The following PDPN variants were observed in gnomAD, a reference collection of about 807,000 sequenced individuals.
PDPN encodes PA2.26 antigen.
PDPN carries 12 observed loss-of-function variants against 23.2 expected under a neutral mutation model. The observed-to-expected ratio is 0.52, with a 90% confidence interval of 0.33 to 0.84. The LOEUF (loss-of-function observed/expected upper bound fraction) is 0.84, where lower values mean the gene tolerates loss of function less well. Ranked by LOEUF, PDPN falls within the 40% of genes least tolerant of loss-of-function variation. The probability of loss-of-function intolerance (pLI) is 0.02; values close to 1 mark genes in which losing one functional copy is unlikely to be tolerated. For missense variants in PDPN, 199 were observed against 212.2 expected (o/e 0.94, Z 0.39); for synonymous variants, 77 against 76.7 (o/e 1.00, Z -0.02).
intron 1 of PDPN, among the ~76,000 whole-genome samples, chr1:13,587,385 T>C (rs1640207483): frequency 6.6e-6 from 1 of 152,214 alleles, no homozygotes; most frequent in Admixed American, 6.5e-5. Context: ...ACATGCACTT[T>C]CAAATTCCAT....
intron 1 of PDPN, among the ~76,000 whole-genome samples, chr1:13,585,986 G>C (rs931274084): frequency 1.3e-5 from 2 of 152,038 alleles, no homozygotes; most frequent in African/African-American, 4.8e-5. Context: ...TTATAATCTG[G>C]TCCCATGTGT....
At chr1:13,606,879 C>T (rs181902901) in intron 1 of PDPN, among the ~76,000 whole-genome samples, 3 of 152,246 alleles carry the variant, frequency 2.0e-5, no homozygotes, top group South Asian at 2.1e-4. Context: ...GAAAGATGTA[C>T]GTCCCCTGTC....
At chr1:13,601,212 A>G (rs75015593) in intron 1 of PDPN, among the ~76,000 whole-genome samples, 6,826 of 152,288 alleles carry the variant, frequency 0.045, 207 homozygotes, top group Middle Eastern at 0.095. Flanking sequence ...GAGGAGGAAG[A>G]GGGAGCTTAC....
chr1:13,601,854 T>C (rs1640648825), intron 1 of PDPN, among the ~76,000 whole-genome samples: 1 of 152,228 alleles, frequency 6.6e-6, no homozygotes, highest in Non-Finnish European at 1.5e-5. Context: ...AGGTGAATAT[T>C]TATGTGATCT....
chr1:13,583,905 C>T lies in PDPN; in HGVS notation c.-129C>T. On this transcript the variant is annotated 5_prime_UTR_variant, in exon 1 of 6. Coordinates refer to ENST00000621990, the MANE Select transcript of PDPN (RefSeq NM_006474.5). ...ACCCTCCCTCTCCGGGGCTCCTGCT[C>T]CCACCCCTCCGGCCCCCCCACCGTC... 1 of 1,611,868 alleles carries T rather than the reference C, an allele frequency of 6.2e-7. No homozygotes were observed. Among genetic ancestry groups the T allele is most frequent in the Non-Finnish European group, 8.5e-7 (1 of 1,178,818 alleles).
At chr1:13,611,077 C>T (rs972947902) in intron 3 of PDPN, among the ~76,000 whole-genome samples, 1 of 151,944 alleles carries the variant, frequency 6.6e-6, no homozygotes, top group African/African-American at 2.4e-5. Context: ...AAAAATCAGC[C>T]GGGAGTGGTG....
In PDPN at chr1:13,600,129, A is replaced by G. The variant is rs541870999; in HGVS notation, c.68-7044A>G. On this transcript the variant is annotated intron_variant, in intron 1 of 5. Coordinates refer to ENST00000621990, the MANE Select transcript of PDPN (RefSeq NM_006474.5). Reference sequence around the variant, plus strand: ...AGGCAGTGAGGTACCAGGGGAAGCAATTGTTCCTGACTACCAGGAACGTGA... The same window carrying G: ...AGGCAGTGAGGTACCAGGGGAAGCAGTTGTTCCTGACTACCAGGAACGTGA... 3.1e-4 allele frequency among the ~76,000 whole-genome samples: 47 copies of G among 152,284 alleles called. 1 individual carries two copies. Among genetic ancestry groups the G allele is most frequent in the African/African-American group, 8.7e-4 (36 of 41,574 alleles).
At chr1:13,594,100 C>T (rs1470182748) in intron 1 of PDPN, among the ~76,000 whole-genome samples, 1 of 152,148 alleles carries the variant, frequency 6.6e-6, no homozygotes, top group Non-Finnish European at 1.5e-5. Flanking sequence ...TGATTCACTC[C>T]CATGAACTCT....
At chr1:13,609,902 T>C (rs572885650) in intron 2 of PDPN, among the ~76,000 whole-genome samples, 11 of 152,058 alleles carry the variant, frequency 7.2e-5, no homozygotes, top group Middle Eastern at 3.4e-3. Context: ...CCATCTCTAC[T>C]AAATATAGAA....
intron 1 of PDPN, among the ~76,000 whole-genome samples, chr1:13,585,179 A>G (rs1016062975): frequency 2.0e-5 from 3 of 152,124 alleles, no homozygotes; most frequent in African/African-American, 7.2e-5. Context: ...ACATTTTCCA[A>G]AAATTGAGGA....
intron 3 of PDPN, among the ~76,000 whole-genome samples, chr1:13,611,759 C>T (rs899777030): frequency 6.6e-5 from 10 of 151,912 alleles, no homozygotes; most frequent in African/African-American, 1.7e-4. Flanking sequence ...ACAGTGTTGG[C>T]GGGGAGTGGG....
At chr1:13,608,369 T>A (rs918771926) in intron 2 of PDPN, among the ~76,000 whole-genome samples, 3 of 152,188 alleles carry the variant, frequency 2.0e-5, no homozygotes, top group African/African-American at 7.2e-5. Context: ...AATCTATGAT[T>A]TCTTTGGTAA....
intron 1 of PDPN, among the ~76,000 whole-genome samples, chr1:13,596,928 C>T (rs115453827): frequency 0.018 from 2,801 of 152,228 alleles, 85 homozygotes; most frequent in African/African-American, 0.064. Context: ...CAGTGGGTGG[C>T]CGGCAGAGTG....
chr1:13,593,132 TAG>T (rs1640395584), intron 1 of PDPN, among the ~76,000 whole-genome samples: 1 of 152,032 alleles, frequency 6.6e-6, no homozygotes, highest in East Asian at 1.9e-4. Context: ...GAGCACGAGG[TAG>T]GTACATAGTA....
chr1:13,612,931 C>T (rs997981982), intron 3 of PDPN, among the ~76,000 whole-genome samples: 3 of 151,852 alleles, frequency 2.0e-5, no homozygotes, highest in Admixed American at 1.3e-4. Flanking sequence ...GCAAACTAGT[C>T]AATAGCCACC....
rs139305172 is a variant in PDPN at position 13,605,660 on chromosome 1, G to T, written c.68-1513G>T. The stretch of plus-strand genomic sequence containing the variant: ...TTTCTTTGAGACGGAGTCCTGCTCT[G>T]TCACCAGGTTGGAGTGCAGTGGTGT... On this transcript the variant is annotated intron_variant, in intron 1 of 5. Coordinates refer to ENST00000621990, the MANE Select transcript of PDPN (RefSeq NM_006474.5). Among the ~76,000 whole-genome samples, 258 of 152,146 alleles carry T rather than the reference G, an allele frequency of 1.7e-3. 1 individual carries two copies. Among genetic ancestry groups the T allele is most frequent in the African/African-American group, 5.9e-3 (245 of 41,514 alleles).
chr1:13,595,765 C>T, intron 1 of PDPN: 1 of 761,282 alleles, frequency 1.3e-6, no homozygotes, highest in Admixed American at 2.3e-5. Flanking sequence ...AACGGCAGGG[C>T]AGCCAAGTTC....
At chr1:13,612,395 A>G (rs1045614536) in intron 3 of PDPN, among the ~76,000 whole-genome samples, 11 of 152,188 alleles carry the variant, frequency 7.2e-5, no homozygotes, top group African/African-American at 2.4e-4. Flanking sequence ...AAACTTTAGT[A>G]ATATATTTTC....
In PDPN at chr1:13,613,141, T is replaced by A. The variant is rs536009461; in HGVS notation, c.332-546T>A. ...CAAACACAAAGGGTATATTTGCTCATGAAACTTAGCTGGGCCTATTGTTGC... is the reference window on the plus strand; with the variant it reads ...CAAACACAAAGGGTATATTTGCTCAAGAAACTTAGCTGGGCCTATTGTTGC... On this transcript the variant is annotated intron_variant, in intron 3 of 5. Transcript: ENST00000621990. Among the ~76,000 whole-genome samples, 267 of 152,334 alleles carry A rather than the reference T, an allele frequency of 1.8e-3. 1 individual carries two copies. Among genetic ancestry groups the A allele is most frequent in the Non-Finnish European group, 2.7e-3 (182 of 68,034 alleles).
Sources: allele counts gnomAD v4.1 joint callset (sites outside exome capture counted in the v4.1 genomes callset), GRCh38; gene constraint gnomAD v4.1.1; transcripts MANE v1.5; gene names NCBI Gene and HGNC (gene_info 2026-07-23, HGNC 2026-07-21).